Variants in PZP observed in about 807,000 individuals in gnomAD.
The protein encoded by PZP is PZP alpha-2-macroglobulin like.
Under a neutral mutation model 179.8 loss-of-function variants are expected in PZP, and 150 were observed. That is an observed-to-expected ratio of 0.83 (90% confidence interval 0.73 to 0.96). PZP has a LOEUF of 0.96. Ranked by LOEUF, PZP falls within the 40% of genes least tolerant of loss-of-function variation. The pLI, the probability that PZP is intolerant of heterozygous loss-of-function variation, is 0.00. For synonymous variants in PZP, 624 were observed against 652.3 expected, an observed-to-expected ratio of 0.96 and a Z score of 0.66; for missense variants, 1,689 against 1,764.0, an observed-to-expected ratio of 0.96 and a Z score of 0.76.
chr12:9,165,932 A>G (rs1271790969), intron 18 of PZP, 120 bp downstream of exon 18: 17 of 1,256,994 alleles, frequency 1.4e-5, no homozygotes, highest in Non-Finnish European at 1.9e-5. Flanking sequence ...GTCTATCCTA[A>G]AGAGGAAGAG....
chr12:9,205,741 A>G (rs1944411901), intron 1 of PZP, among the ~76,000 whole-genome samples: 1 of 152,084 alleles, frequency 6.6e-6, no homozygotes, highest in Admixed American at 6.5e-5. Flanking sequence ...GCCAACATAA[A>G]CTCTTACTTT....
chr12:9,137,331 T>C, the PZP span, among the ~76,000 whole-genome samples: 51 of 152,176 alleles, frequency 3.4e-4, no homozygotes, highest in African/African-American at 1.2e-3. Flanking sequence ...CAAAGACCAG[T>C]TGACCTTTTA....
chr12:9,179,904 G>A (rs1160542880), intron 15 of PZP, among the ~76,000 whole-genome samples: 2 of 152,174 alleles, frequency 1.3e-5, no homozygotes, highest in Non-Finnish European at 2.9e-5. Context: ...GTTGCAGGCA[G>A]ATTCAGAATT....
intron 1 of PZP, 146 bp from the exon 2 acceptor site, chr12:9,204,097 C>T (rs1944328319): frequency 1.2e-6 from 1 of 810,776 alleles, no homozygotes; most frequent in African/African-American, 1.7e-5. Flanking sequence ...GAGGTTCTGT[C>T]ACAGATCAGC....
At position 9,158,428 on chromosome 12, in the gene PZP, C is replaced by T. The variant is rs753843485; in HGVS notation, c.3286G>A (p.Ala1096Thr). Reference protein sequence around the residue: ...FRSSGSLLNNAIKGGVEDEAT... With the variant: ...FRSSGSLLNNTIKGGVEDEAT... ...TTTGTGGAACAGTTCACCTTTATGG[C>T]ATTGTTGAGCAGTGACCCAGAGCTC... is the stretch of plus-strand genomic sequence containing the variant. The change falls in exon 26 of 36, where the codon GCC becomes ACC. Residue 1096 changes from alanine to threonine, a missense_variant. This residue lies in a region of PZP where 746 missense variants were observed against 749.2 expected (regional missense o/e 1.00). Transcript: ENST00000261336. 5 of 1,614,078 alleles carry T rather than the reference C, an allele frequency of 3.1e-6. No individual in the cohort carries two copies. The highest frequency in any genetic ancestry group is 2.2e-5 in the East Asian group (1 of 44,884).
chr12:9,152,894 C>T lies in PZP; in HGVS notation c.4051G>A (p.Val1351Met), dbSNP rs761047678. ...EKEDSPFALK[V>M]QTVPQTCDGH... The stretch of plus-strand genomic sequence containing the variant: ...TCGCAAGTTTGGGGCACAGTCTGCA[C>T]TTTTAAAGCAAATGGGGAGTCCTCT... Residue 1351 changes from valine (V) to methionine (M), a missense_variant, in exon 31 of 36, where the codon GTG becomes ATG. This residue lies in a region of PZP where 746 missense variants were observed against 749.2 expected (regional missense o/e 1.00). Coordinates refer to ENST00000261336, the MANE Select transcript of PZP (RefSeq NM_002864.3). 1 of 1,614,100 alleles carries T rather than the reference C, an allele frequency of 6.2e-7. No individual in the cohort carries two copies. The highest frequency in any genetic ancestry group is 8.5e-7 in the Non-Finnish European group (1 of 1,180,006).
At chr12:9,151,930 A>C (rs1481693779) in intron 32 of PZP, among the ~76,000 whole-genome samples, 1 of 152,130 alleles carries the variant, frequency 6.6e-6, no homozygotes, top group African/African-American at 2.4e-5. Context: ...TTGGGATTTA[A>C]ACCATATCCT....
chr12:9,187,143 A>T (rs1319348644), intron 13 of PZP, among the ~76,000 whole-genome samples: 1 of 151,824 alleles, frequency 6.6e-6, no homozygotes, highest in African/African-American at 2.4e-5. Context: ...GAGAAGACCT[A>T]ACTAAACAAA....
In PZP at chr12:9,157,758, G is replaced by A. The variant is rs193099336; in HGVS notation, c.3369+9C>T. ...TCATGGTAGGGAATGGGATTGAGCTGGTACCTACAGTGACTGGGAGAGGAA... is the reference window on the plus strand; with the variant it reads ...TCATGGTAGGGAATGGGATTGAGCTAGTACCTACAGTGACTGGGAGAGGAA... On this transcript the variant is annotated intron_variant, in intron 27 of 35. Transcript: ENST00000261336. 2 of 1,610,992 alleles carry A rather than the reference G, an allele frequency of 1.2e-6. No individual in the cohort carries two copies. Among genetic ancestry groups the A allele is most frequent in the Admixed American group, 1.7e-5 (1 of 59,998 alleles).
chr12:9,163,326 G>A (rs568571270), intron 21 of PZP, among the ~76,000 whole-genome samples: 11 of 150,214 alleles, frequency 7.3e-5, no homozygotes, highest in Admixed American at 2.0e-4. Flanking sequence ...TTAGCCAGGC[G>A]CCTGTAGTCC....
chr12:9,157,989 T>G, intron 26 of PZP, 148 bp from the exon 27 acceptor site: 1 of 742,566 alleles, frequency 1.3e-6, no homozygotes, highest in Admixed American at 2.3e-5. Context: ...GTTCTTGCTC[T>G]GTAGCTCAGG....
chr12:9,200,377 TTA>T lies in PZP; in HGVS notation c.740_741del (p.Ile247AsnfsTer22). On this transcript the variant is annotated frameshift_variant, in exon 7 of 36. Transcript: ENST00000261336. LOFTEE classifies it high-confidence loss of function. Reference sequence around the variant, plus strand: ...AATGTAACTCACTCTCCACAGACTGTTATGTTCACTTTTTCATCCATGATACT... The same window carrying T: ...AATGTAACTCACTCTCCACAGACTGTTGTTCACTTTTTCATCCATGATACT... ...IISIMDEKVN[I>X]TVCGEYTYGK... The T allele has an allele frequency of 1.2e-6, 2 of 1,606,372 alleles. No homozygotes were observed. Among genetic ancestry groups the T allele is most frequent in the South Asian group, 2.2e-5 (2 of 90,778 alleles).
At chr12:9,177,868 A>G (rs1400011693) in intron 15 of PZP, among the ~76,000 whole-genome samples, 1 of 152,218 alleles carries the variant, frequency 6.6e-6, no homozygotes, top group Admixed American at 6.5e-5. Context: ...AAATTCCTGT[A>G]CTACATGCTG....
intron 15 of PZP, among the ~76,000 whole-genome samples, chr12:9,177,691 A>T (rs1942485101): frequency 6.6e-6 from 1 of 152,242 alleles, no homozygotes; most frequent in Non-Finnish European, 1.5e-5. Context: ...ATTCAAAGCG[A>T]CCACGCTTAA....
chr12:9,198,224 A>G (rs2121181767), intron 7 of PZP, among the ~76,000 whole-genome samples: 1 of 151,784 alleles, frequency 6.6e-6, no homozygotes, highest in East Asian at 1.9e-4. Flanking sequence ...GGTGACATGC[A>G]CCTGTAGTCC....
In PZP at chr12:9,197,102, G is replaced by A. The variant is rs1471479260; in HGVS notation, c.777C>T (p.Val259=). The A allele has an allele frequency of 1.9e-6, 3 of 1,612,422 alleles. No homozygotes were observed. Among genetic ancestry groups the A allele is most frequent in the African/African-American group, 2.7e-5 (2 of 74,810 alleles). Residue 259 remains valine (V), a synonymous_variant, in exon 8 of 36, where the codon GTC becomes GTT. Transcript: ENST00000261336. ...ACAGGCTCACAGTTGCAAGTCCTGG[G>A]ACAGGCTTCCCATAAGTGTATCTGG... is the stretch of plus-strand genomic sequence containing the variant. The part of the protein sequence containing the change: ...VCGEYTYGKP[V]PGLATVSLCR...
intron 15 of PZP, among the ~76,000 whole-genome samples, chr12:9,175,962 A>G (rs767169085): frequency 2.6e-5 from 4 of 152,342 alleles, no homozygotes; most frequent in South Asian, 4.1e-4. Flanking sequence ...TACTGGGTGT[A>G]TAGCCATAGG....
intron 15 of PZP, among the ~76,000 whole-genome samples, 184 bp downstream of exon 15, chr12:9,180,799 T>C (rs747204838): frequency 6.6e-6 from 1 of 152,206 alleles, no homozygotes; most frequent in Admixed American, 6.5e-5. Flanking sequence ...AATTGACAAA[T>C]GGGATCTAAT....
At chr12:9,184,918 G>GA (rs1331229174) in intron 13 of PZP, among the ~76,000 whole-genome samples, 1 of 152,104 alleles carries the variant, frequency 6.6e-6, no homozygotes, top group Admixed American at 6.5e-5. Context: ...AGGATAAAAG[G>GA]AAAAAATCAA....
Sources: allele counts gnomAD v4.1 joint callset (sites outside exome capture counted in the v4.1 genomes callset), GRCh38; gene constraint gnomAD v4.1.1; regional missense constraint gnomAD v4.1.1; transcripts MANE v1.5; gene names NCBI Gene and HGNC (gene_info 2026-07-23, HGNC 2026-07-21).